NRG1: variants seen among roughly 807,000 people sequenced by gnomAD.
NRG1 encodes the protein pro-neuregulin-1, membrane-bound isoform.
Under a neutral mutation model 63.8 loss-of-function variants are expected in NRG1, and 18 were observed. The ratio of observed to expected loss-of-function variants is 0.28; its 90% CI spans 0.19 to 0.42. The LOEUF (loss-of-function observed/expected upper bound fraction) is 0.42. Ranked by LOEUF, NRG1 falls within the 10% of genes least tolerant of loss-of-function variation. NRG1 has a pLI of 1.00. For synonymous variants in NRG1, 302 were observed against 301.3 expected (o/e 1.00, Z -0.02); for missense variants, 762 against 814.7 (o/e 0.94, Z 0.79).
chr8:31,644,873 AT>A (rs1478289545), intron 1 of NRG1, among the ~76,000 whole-genome samples: 3 of 152,156 alleles, frequency 2.0e-5, no homozygotes, highest in African/African-American at 4.8e-5. Context: ...ATCTGAAAAA[AT>A]AATCTCTTTT....
chr8:32,652,663 CA>C (rs1176498852), intron 5 of NRG1, among the ~76,000 whole-genome samples: 1 of 151,890 alleles, frequency 6.6e-6, no homozygotes, highest in Admixed American at 6.5e-5. Context: ...TACAAACATA[CA>C]AAAAAAATCT....
At chr8:32,396,955 C>A (rs1315127550) in intron 1 of NRG1, among the ~76,000 whole-genome samples, 4 of 152,142 alleles carry the variant, frequency 2.6e-5, no homozygotes, top group African/African-American at 7.2e-5. Context: ...CCTTAAAATT[C>A]TTGTAGCCTC....
chr8:32,017,477 T>C (rs1815727033), intron 1 of NRG1, among the ~76,000 whole-genome samples: 1 of 151,602 alleles, frequency 6.6e-6, no homozygotes. Flanking sequence ...CAACACAGCC[T>C]GGATGGAGAT....
intron 1 of NRG1, among the ~76,000 whole-genome samples, chr8:31,962,291 A>G (rs1416001779): frequency 6.6e-6 from 1 of 152,190 alleles, no homozygotes; most frequent in East Asian, 1.9e-4. Context: ...TGACTGACCT[A>G]GAGTTACGGA....
chr8:31,753,390 G>T (rs1816678043), intron 1 of NRG1, among the ~76,000 whole-genome samples: 1 of 151,534 alleles, frequency 6.6e-6, no homozygotes, highest in South Asian at 2.1e-4. Context: ...CTCCCAACAT[G>T]TATGCAGCTA....
chr8:31,853,191 T>C (rs1315489280), intron 1 of NRG1, among the ~76,000 whole-genome samples: 1 of 152,220 alleles, frequency 6.6e-6, no homozygotes, highest in Non-Finnish European at 1.5e-5. Flanking sequence ...AATCTGTACA[T>C]TACCTTAGGC....
At chr8:32,298,940 T>C (rs764504999) in intron 1 of NRG1, among the ~76,000 whole-genome samples, 1 of 147,480 alleles carries the variant, frequency 6.8e-6, no homozygotes, top group Non-Finnish European at 1.5e-5. Flanking sequence ...GGCAGGAGAA[T>C]TGCTTGAACC....
chr8:32,361,693 GACA>G (rs1807235534), intron 1 of NRG1, among the ~76,000 whole-genome samples: 1 of 152,090 alleles, frequency 6.6e-6, no homozygotes, highest in Non-Finnish European at 1.5e-5. Context: ...GAAACCTTGA[GACA>G]GCTGCTGCAT....
chr8:31,769,283 A>G (rs1175505161), intron 1 of NRG1, among the ~76,000 whole-genome samples: 1 of 152,182 alleles, frequency 6.6e-6, no homozygotes, highest in Non-Finnish European at 1.5e-5. Flanking sequence ...CTCATCTTGC[A>G]AGGTTGCCTA....
intron 1 of NRG1, among the ~76,000 whole-genome samples, chr8:31,866,216 A>G (rs562428178): frequency 2.0e-5 from 3 of 152,274 alleles, no homozygotes; most frequent in African/African-American, 7.2e-5. Context: ...CATGGTTTCT[A>G]TAAAAATTGC....
chr8:31,785,302 C>A (rs1056793842), intron 1 of NRG1, among the ~76,000 whole-genome samples: 1 of 152,054 alleles, frequency 6.6e-6, no homozygotes, highest in East Asian at 1.9e-4. Context: ...TTCACCAGAG[C>A]ATGGATGTGT....
chr8:31,848,294 C>T (rs968634208), intron 1 of NRG1, among the ~76,000 whole-genome samples: 7 of 151,936 alleles, frequency 4.6e-5, no homozygotes, highest in South Asian at 2.1e-4. Flanking sequence ...AAAATTAGGC[C>T]GGTATTTTGG....
intron 1 of NRG1, among the ~76,000 whole-genome samples, chr8:31,722,336 G>T (rs1377296093): frequency 6.6e-6 from 1 of 152,038 alleles, no homozygotes; most frequent in East Asian, 1.9e-4. Flanking sequence ...CTGGGCATCA[G>T]TGTCATGTCC....
chr8:31,656,571 G>T (rs1489744946), intron 1 of NRG1, among the ~76,000 whole-genome samples: 1 of 152,190 alleles, frequency 6.6e-6, no homozygotes, highest in East Asian at 1.9e-4. Flanking sequence ...TTCTTTGGTG[G>T]TGGGGGATAA....
At chr8:32,188,102 G>A (rs1020883581) in intron 1 of NRG1, among the ~76,000 whole-genome samples, 2 of 151,570 alleles carry the variant, frequency 1.3e-5, no homozygotes, top group African/African-American at 4.9e-5. Context: ...AGTCTCACTG[G>A]ATTTCCCAGG....
chr8:32,178,680 G>A lies in NRG1; in HGVS notation c.38-417148G>A, dbSNP rs977567. Among the ~76,000 whole-genome samples the A allele has an allele frequency of 7.6e-3, 1,164 of 152,270 alleles. 58 individuals are homozygous for A. The highest frequency in any genetic ancestry group is 0.065 in the Admixed American group (993 of 15,276). Reference sequence around the variant, plus strand: ...GTCCATGGGCAAAGTCAGAGTCCAGGAGGCCATGCCAGAAGCTGCTGCTGT... The same window carrying A: ...GTCCATGGGCAAAGTCAGAGTCCAGAAGGCCATGCCAGAAGCTGCTGCTGT... On this transcript the variant is annotated intron_variant, in intron 1 of 10. Transcript: ENST00000519301.
intron 1 of NRG1, among the ~76,000 whole-genome samples, chr8:31,919,121 C>T (rs1243592052): frequency 1.3e-5 from 2 of 152,046 alleles, no homozygotes; most frequent in African/African-American, 4.8e-5. Flanking sequence ...TGCTAGCAGT[C>T]TATCAATTTT....
intron 1 of NRG1, among the ~76,000 whole-genome samples, chr8:32,079,525 C>G (rs1365887193): frequency 6.6e-6 from 1 of 152,186 alleles, no homozygotes; most frequent in Non-Finnish European, 1.5e-5. Context: ...TCAAGTTTCT[C>G]TTCCTCAAAT....
chr8:32,554,927 C>CTG (rs1834827327), intron 1 of NRG1, among the ~76,000 whole-genome samples: 1 of 127,478 alleles, frequency 7.8e-6, no homozygotes, highest in African/African-American at 2.6e-5. Flanking sequence ...CTCTCTCTCT[C>CTG]TCTTTTTTTT....
Sources: gnomAD v4.1 joint callset for allele counts (sites outside exome capture counted in the v4.1 genomes callset) on GRCh38, gnomAD v4.1.1 for gene constraint, MANE v1.5 for transcripts, NCBI Gene and HGNC (gene_info 2026-07-23, HGNC 2026-07-21) for gene names.